The following PPP3CA variants were observed in gnomAD, a reference collection of about 807,000 sequenced individuals.
PPP3CA encodes the protein protein phosphatase 3 catalytic subunit alpha, also known as CAM-PRP catalytic subunit.
A neutral mutation model predicts 66.5 loss-of-function variants in PPP3CA; 14 were observed. The observed-to-expected ratio is 0.21, with a 90% CI of 0.14 to 0.33. The LOEUF (loss-of-function observed/expected upper bound fraction) is 0.33, where lower values mean the gene tolerates loss of function less well. Ranked by LOEUF, PPP3CA falls within the 10% of genes least tolerant of loss-of-function variation. The probability of loss-of-function intolerance (pLI) is 1.00; values close to 1 mark genes in which losing one functional copy is unlikely to be tolerated. For synonymous variants in PPP3CA, 232 were observed against 226.2 expected (o/e 1.03, Z -0.23); for missense variants, 317 against 639.5 (o/e 0.50, Z 5.44).
chr4:101,023,715 A>G lies in PPP3CA; in HGVS notation c.*2150T>C, dbSNP rs1274106192. On this transcript the variant is annotated 3_prime_UTR_variant, in exon 14 of 14. Coordinates refer to ENST00000394854, the MANE Select transcript of PPP3CA (RefSeq NM_000944.5). Reference sequence around the variant, plus strand: ...AAATAACCTTGGGATAGTCTTTGCCAGACTGTATCGAGAACATCTTTGTTT... The same window carrying G: ...AAATAACCTTGGGATAGTCTTTGCCGGACTGTATCGAGAACATCTTTGTTT... The G allele has an allele frequency of 6.5e-6, 1 of 152,690 alleles. No individual in the cohort carries two copies. The highest frequency in any genetic ancestry group is 1.5e-5 in the Non-Finnish European group (1 of 68,050). 9.5% of individuals were successfully genotyped at this position (152,690 alleles called of 1,614,324 possible). A position where few individuals can be genotyped will look rare whatever the true frequency, so the allele number is the denominator to read the frequency against.
chr4:101,113,854 A>G (rs1451980771), intron 2 of PPP3CA, among the ~76,000 whole-genome samples: 1 of 152,116 alleles, frequency 6.6e-6, no homozygotes, highest in Non-Finnish European at 1.5e-5. Flanking sequence ...CAATATGCCA[A>G]TGCCAACTGA....
intron 1 of PPP3CA, among the ~76,000 whole-genome samples, chr4:101,312,156 A>G (rs554215565): frequency 6.6e-6 from 1 of 152,306 alleles, no homozygotes; most frequent in Non-Finnish European, 1.5e-5. Flanking sequence ...TATACTTTTG[A>G]TTAAACTGAA....
At chr4:101,077,537 T>C (rs1156565273) in intron 8 of PPP3CA, among the ~76,000 whole-genome samples, 1 of 152,214 alleles carries the variant, frequency 6.6e-6, no homozygotes, top group African/African-American at 2.4e-5. Context: ...TAGCAGTGAA[T>C]AATTGACTCC....
intron 8 of PPP3CA, among the ~76,000 whole-genome samples, chr4:101,063,806 TAA>T (rs1241460080): frequency 7.2e-5 from 11 of 152,078 alleles, no homozygotes; most frequent in African/African-American, 9.6e-5. Flanking sequence ...CAAAATAGTT[TAA>T]GTTAGATTGC....
intron 2 of PPP3CA, among the ~76,000 whole-genome samples, chr4:101,135,999 G>A (rs1722609007): frequency 1.3e-5 from 2 of 152,072 alleles, no homozygotes; most frequent in African/African-American, 4.8e-5. Flanking sequence ...ACCTTGCAGG[G>A]CTGTCTGAGG....
chr4:101,148,957 C>G (rs1051415894), intron 2 of PPP3CA, among the ~76,000 whole-genome samples: 1 of 152,114 alleles, frequency 6.6e-6, no homozygotes, highest in Admixed American at 6.6e-5. Context: ...ATTGTTCTTA[C>G]ATTCTTTACT....
intron 1 of PPP3CA, among the ~76,000 whole-genome samples, chr4:101,331,187 A>C (rs946766449): frequency 6.6e-6 from 1 of 152,176 alleles, no homozygotes; most frequent in African/African-American, 2.4e-5. Flanking sequence ...TATGGTGGTA[A>C]AAGCCCAGGA....
intron 2 of PPP3CA, among the ~76,000 whole-genome samples, chr4:101,135,772 G>C (rs1578482651): frequency 6.6e-6 from 1 of 152,208 alleles, no homozygotes; most frequent in East Asian, 1.9e-4. Flanking sequence ...TTTAAGCAAA[G>C]TGTGAAACAC....
chr4:101,248,956 A>T (rs2850957), intron 1 of PPP3CA, among the ~76,000 whole-genome samples: 6 of 150,952 alleles, frequency 4.0e-5, no homozygotes, highest in African/African-American at 1.5e-4. Context: ...GTCAGGAGAT[A>T]GAGACCATCC....
intron 11 of PPP3CA, among the ~76,000 whole-genome samples, chr4:101,038,947 C>T (rs970266786): frequency 2.9e-4 from 44 of 152,252 alleles, no homozygotes; most frequent in African/African-American, 8.4e-4. Flanking sequence ...CCATTTATCA[C>T]GGGATAGTCA....
intron 2 of PPP3CA, among the ~76,000 whole-genome samples, chr4:101,172,540 C>T (rs570420815): frequency 6.6e-6 from 1 of 152,126 alleles, no homozygotes; most frequent in African/African-American, 2.4e-5. Context: ...CTAAATGTCC[C>T]CAAAATGTTT....
chr4:101,300,392 AATATC>A, intron 1 of PPP3CA, among the ~76,000 whole-genome samples: 1 of 152,230 alleles, frequency 6.6e-6, no homozygotes, highest in East Asian at 1.9e-4. Context: ...ATAAAGGACA[AATATC>A]ACATCAAAAA....
intron 1 of PPP3CA, among the ~76,000 whole-genome samples, chr4:101,286,299 C>T (rs1286466657): frequency 6.6e-6 from 1 of 152,166 alleles, no homozygotes; most frequent in African/African-American, 2.4e-5. Context: ...GGGACCCCTG[C>T]TTTAGAGAAA....
At chr4:101,183,543 T>C (rs1301456575) in intron 2 of PPP3CA, among the ~76,000 whole-genome samples, 1 of 152,168 alleles carries the variant, frequency 6.6e-6, no homozygotes, top group Non-Finnish European at 1.5e-5. Context: ...TGTGTTACAA[T>C]GTCCTCTAAT....
chr4:101,332,469 T>C (rs550232913), intron 1 of PPP3CA, among the ~76,000 whole-genome samples: 7 of 152,284 alleles, frequency 4.6e-5, no homozygotes, highest in Non-Finnish European at 8.8e-5. Context: ...AAACCAGCCA[T>C]TGGACAGCCA....
chr4:101,250,298 C>T (rs1182816644), intron 1 of PPP3CA: 1 of 454,604 alleles, frequency 2.2e-6, no homozygotes, highest in East Asian at 7.0e-5. Flanking sequence ...AATACTAATC[C>T]AAGCTCTACT....
chr4:101,327,975 T>C (rs1729257974), intron 1 of PPP3CA, among the ~76,000 whole-genome samples: 1 of 151,890 alleles, frequency 6.6e-6, no homozygotes, highest in Non-Finnish European at 1.5e-5. Flanking sequence ...TCCACAAAAA[T>C]ATCACCAGGG....
intron 1 of PPP3CA, among the ~76,000 whole-genome samples, chr4:101,248,912 A>G (rs1022389005): frequency 9.2e-5 from 14 of 151,416 alleles, no homozygotes; most frequent in African/African-American, 1.9e-4. Flanking sequence ...TGTAATCCCA[A>G]CACTTTGGGA....
chr4:101,320,310 CAT>C (rs1484579200), intron 1 of PPP3CA, among the ~76,000 whole-genome samples: 1 of 151,968 alleles, frequency 6.6e-6, no homozygotes, highest in African/African-American at 2.4e-5. Context: ...AAACAACTAA[CAT>C]AAAATGTAAT....
Sources: allele counts gnomAD v4.1 joint callset (sites outside exome capture counted in the v4.1 genomes callset), GRCh38; gene constraint gnomAD v4.1.1; transcripts MANE v1.5; gene names NCBI Gene and HGNC (gene_info 2026-07-23, HGNC 2026-07-21).